FARS2: variants seen among roughly 807,000 people sequenced by gnomAD.
The protein encoded by FARS2 is phenylalanyl-tRNA synthetase 2, mitochondrial, also known as phenylalanine--tRNA ligase, mitochondrial.
A neutral mutation model predicts 46.4 loss-of-function variants in FARS2; 40 were observed. The ratio of observed to expected loss-of-function variants is 0.86; its 90% CI spans 0.67 to 1.12. The LOEUF (loss-of-function observed/expected upper bound fraction) is 1.12, where lower values mean the gene tolerates loss of function less well. Among genes scored for constraint, FARS2 ranks in the 50% most tolerant of loss-of-function variants. The pLI is 0.00. For missense variants in FARS2, 513 were observed against 567.9 expected, an observed-to-expected ratio of 0.90 and a Z score of 0.98; for synonymous variants, 234 against 214.9, an observed-to-expected ratio of 1.09 and a Z score of -0.78.
intron 1 of FARS2, among the ~76,000 whole-genome samples, chr6:5,302,416 G>C (rs977049976): frequency 4.6e-5 from 7 of 152,056 alleles, no homozygotes; most frequent in African/African-American, 1.7e-4. Flanking sequence ...AAGCTGCTTG[G>C]GTTATCGGAT....
intron 2 of FARS2, among the ~76,000 whole-genome samples, chr6:5,401,269 G>A (rs1406388886): frequency 6.6e-6 from 1 of 151,848 alleles, no homozygotes; most frequent in Non-Finnish European, 1.5e-5. Flanking sequence ...TTATGCTTTT[G>A]AATTGAAATT....
chr6:5,552,371 A>C (rs1771419404), intron 5 of FARS2, among the ~76,000 whole-genome samples: 1 of 152,142 alleles, frequency 6.6e-6, no homozygotes, highest in South Asian at 2.1e-4. Context: ...TGGCCAGGAA[A>C]CTCTGGAAGC....
intron 4 of FARS2, among the ~76,000 whole-genome samples, chr6:5,479,202 A>G (rs1230760001): frequency 6.6e-6 from 1 of 152,162 alleles, no homozygotes; most frequent in East Asian, 1.9e-4. Context: ...TTCACTTGTC[A>G]TCCCTTTTTT....
intron 5 of FARS2, among the ~76,000 whole-genome samples, chr6:5,568,804 A>G (rs1772467087): frequency 6.6e-6 from 1 of 152,224 alleles, no homozygotes; most frequent in Admixed American, 6.5e-5. Flanking sequence ...AGATGAGGAT[A>G]GATTGGGGCC....
At chr6:5,726,372 G>A (rs79046375) in intron 6 of FARS2, among the ~76,000 whole-genome samples, 1,580 of 152,256 alleles carry the variant, frequency 0.01, 26 homozygotes, top group African/African-American at 0.035. Flanking sequence ...ATGATGCTAA[G>A]AATGAAGACT....
intron 5 of FARS2, among the ~76,000 whole-genome samples, chr6:5,548,556 T>C (rs1228436256): frequency 6.6e-6 from 1 of 152,258 alleles, no homozygotes; most frequent in Non-Finnish European, 1.5e-5. Flanking sequence ...CTCTTTTTAA[T>C]ATATTGTCAG....
At chr6:5,284,017 T>A (rs1231923583) in intron 1 of FARS2, among the ~76,000 whole-genome samples, 2 of 152,168 alleles carry the variant, frequency 1.3e-5, no homozygotes, top group Non-Finnish European at 2.9e-5. Context: ...TCTACAAAGG[T>A]TTTTACCAGC....
At position 5,461,266 on chromosome 6, in the gene FARS2, C is replaced by T. The variant is rs534710001; in HGVS notation, c.904+30094C>T. 4.8e-4 allele frequency among the ~76,000 whole-genome samples: 73 copies of T among 152,132 alleles called. 1 individual carries two copies. The highest frequency in any genetic ancestry group is 1.5e-3 in the African/African-American group (64 of 41,506). On this transcript the variant is annotated intron_variant, in intron 4 of 6. Coordinates refer to ENST00000274680, the MANE Select transcript of FARS2 (RefSeq NM_006567.5). ...CATTGCCTAGGCTGGTCTTGAACACCGGAGCTCAGGTGATCCACCCACCTT... is the reference window on the plus strand; with the variant it reads ...CATTGCCTAGGCTGGTCTTGAACACTGGAGCTCAGGTGATCCACCCACCTT...
intron 6 of FARS2, among the ~76,000 whole-genome samples, chr6:5,758,434 AT>A (rs1320331406): frequency 1.3e-5 from 2 of 152,198 alleles, no homozygotes; most frequent in African/African-American, 2.4e-5. Flanking sequence ...TGAAAAACTT[AT>A]CCGCTCTCAG....
At chr6:5,367,080 A>G (rs1218564576) in intron 1 of FARS2, among the ~76,000 whole-genome samples, 1 of 152,262 alleles carries the variant, frequency 6.6e-6, no homozygotes, top group Non-Finnish European at 1.5e-5. Flanking sequence ...TGCTGTGCAC[A>G]GCTTCTAAGA....
intron 4 of FARS2, among the ~76,000 whole-genome samples, chr6:5,464,787 TAAAG>T (rs201059046): frequency 7.9e-5 from 12 of 152,014 alleles, no homozygotes; most frequent in Non-Finnish European, 1.5e-4. Flanking sequence ...CTTACAGGGT[TAAAG>T]AAAGAAAGAA....
intron 1 of FARS2, among the ~76,000 whole-genome samples, chr6:5,293,999 CAT>C (rs1444268186): frequency 6.6e-6 from 1 of 152,192 alleles, no homozygotes; most frequent in Non-Finnish European, 1.5e-5. Context: ...CACACACACA[CAT>C]ACACACACAG....
chr6:5,282,595 G>A (rs754242634), intron 1 of FARS2, among the ~76,000 whole-genome samples: 6 of 152,244 alleles, frequency 3.9e-5, no homozygotes, highest in Non-Finnish European at 5.9e-5. Flanking sequence ...TGGAGTGTGC[G>A]ATTTAGTCCC....
At position 5,513,273 on chromosome 6, in the gene FARS2, G is replaced by A. The variant is rs1159545052; in HGVS notation, c.905-31907G>A. Among the ~76,000 whole-genome samples, 3 of 152,286 alleles carry A rather than the reference G, an allele frequency of 2.0e-5. No homozygotes were observed. In the East Asian group the frequency reaches 5.8e-4, roughly 29 times the overall value. ...ACAGCGAGGTTATTACCTGAGACTG[G>A]AACTCTGGGGAAAGGAGCTGAGCCG... On this transcript the variant is annotated intron_variant, in intron 4 of 6. Coordinates refer to ENST00000274680, the MANE Select transcript of FARS2 (RefSeq NM_006567.5).
At chr6:5,280,742 C>T (rs1766661776) in intron 1 of FARS2, among the ~76,000 whole-genome samples, 1 of 150,914 alleles carries the variant, frequency 6.6e-6, no homozygotes, top group Non-Finnish European at 1.5e-5. Flanking sequence ...TTTTAGGTTT[C>T]TAATGATTCC....
rs191006044 is a variant in FARS2 at position 5,732,219 on chromosome 6, G to C, written c.1218-39072G>C. Among the ~76,000 whole-genome samples the C allele has an allele frequency of 3.2e-4, 48 of 152,370 alleles. No homozygotes were observed. The East Asian group carries it at 5.6e-3, about 18-fold the overall frequency. ...GAATGAACAGTCGTTGAAAGTGACAGTGTCAACAAATGGCTCTAGTAGCAG... is the reference window on the plus strand; with the variant it reads ...GAATGAACAGTCGTTGAAAGTGACACTGTCAACAAATGGCTCTAGTAGCAG... On this transcript the variant is annotated intron_variant, in intron 6 of 6. Transcript: ENST00000274680.
chr6:5,704,633 A>T (rs1170849072), intron 6 of FARS2, among the ~76,000 whole-genome samples: 1 of 152,232 alleles, frequency 6.6e-6, no homozygotes, highest in African/African-American at 2.4e-5. Context: ...TGACGTCCAA[A>T]AAAAGTGAAA....
At chr6:5,293,346 A>G (rs1243825635) in intron 1 of FARS2, among the ~76,000 whole-genome samples, 1 of 152,232 alleles carries the variant, frequency 6.6e-6, no homozygotes, top group East Asian at 1.9e-4. Flanking sequence ...GGCCTAGGCA[A>G]GAAAGCTTCT....
intron 6 of FARS2, among the ~76,000 whole-genome samples, chr6:5,617,503 C>T: frequency 6.6e-6 from 1 of 152,200 alleles, no homozygotes; most frequent in East Asian, 1.9e-4. Context: ...TGCCTCATGC[C>T]ATTGTTGTAA....
Sources: gnomAD v4.1 joint callset for allele counts (sites outside exome capture counted in the v4.1 genomes callset) on GRCh38, gnomAD v4.1.1 for gene constraint, MANE v1.5 for transcripts, NCBI Gene and HGNC (gene_info 2026-07-23, HGNC 2026-07-21) for gene names.